Variants in CNBD1 observed in about 807,000 individuals in gnomAD.
CNBD1 encodes cyclic nucleotide binding domain containing 1, also known as cyclic nucleotide-binding domain-containing protein 1.
Under a neutral mutation model 54.4 loss-of-function variants are expected in CNBD1, and 71 were observed. The ratio of observed to expected loss-of-function variants is 1.30; its 90% confidence interval spans 1.08 to 1.59. CNBD1 has a LOEUF of 1.59. Ranked by LOEUF, CNBD1 falls within the 40% of genes most tolerant of loss-of-function variation. The pLI is 0.00. For missense variants in CNBD1, 659 were observed against 518.0 expected, an observed-to-expected ratio of 1.27 and a Z score of -2.64; for synonymous variants, 182 against 170.7, an observed-to-expected ratio of 1.07 and a Z score of -0.51.
chr8:87,034,598 T>G lies in CNBD1; in HGVS notation c.431+94844T>G, dbSNP rs776937692. 7.9e-5 allele frequency among the ~76,000 whole-genome samples: 12 copies of G among 152,334 alleles called. No homozygotes were observed. The Middle Eastern group carries it at 0.01, about 130-fold the overall frequency. ...ATCTGTTCATGTGTGTAAGTTTTGG[T>G]AAATTTTAACATTTTATAATTTGTG... On this transcript the variant is annotated intron_variant, in intron 4 of 10. Coordinates refer to ENST00000518476, the MANE Select transcript of CNBD1 (RefSeq NM_173538.3).
chr8:87,278,452 T>C (rs1808527738), intron 6 of CNBD1, among the ~76,000 whole-genome samples: 1 of 151,570 alleles, frequency 6.6e-6, no homozygotes, highest in African/African-American at 2.4e-5. Flanking sequence ...CACTCCAAGG[T>C]AAATTTTAAT....
intron 8 of CNBD1, among the ~76,000 whole-genome samples, chr8:87,325,362 G>A (rs1443521274): frequency 3.3e-5 from 3 of 91,114 alleles, no homozygotes; most frequent in Non-Finnish European, 6.4e-5. Context: ...TATCCTTGTT[G>A]ACTTTCTGTC....
chr8:87,144,820 C>CAAA (rs58385807), intron 4 of CNBD1, among the ~76,000 whole-genome samples: 9 of 104,298 alleles, frequency 8.6e-5, no homozygotes, highest in African/African-American at 2.4e-4. Flanking sequence ...AACTATGCCT[C>CAAA]AAAAAAAAAA....
At chr8:87,168,094 G>C (rs1813004030) in intron 4 of CNBD1, among the ~76,000 whole-genome samples, 1 of 151,886 alleles carries the variant, frequency 6.6e-6, no homozygotes, top group Non-Finnish European at 1.5e-5. Flanking sequence ...TCCCATCATT[G>C]ACCAAAATGT....
chr8:86,987,731 A>G (rs1808639721), intron 4 of CNBD1, among the ~76,000 whole-genome samples: 1 of 152,178 alleles, frequency 6.6e-6, no homozygotes, highest in Non-Finnish European at 1.5e-5. Context: ...GATTTTATCC[A>G]AAGCTTTTCT....
chr8:87,042,512 G>T (rs1810094153), intron 4 of CNBD1, among the ~76,000 whole-genome samples: 1 of 152,196 alleles, frequency 6.6e-6, no homozygotes, highest in Non-Finnish European at 1.5e-5. Flanking sequence ...TTGGAAAGAT[G>T]AGGTAGTTGG....
At chr8:87,216,679 C>G (rs1301500475) in intron 5 of CNBD1, among the ~76,000 whole-genome samples, 1 of 152,146 alleles carries the variant, frequency 6.6e-6, no homozygotes, top group African/African-American at 2.4e-5. Flanking sequence ...CTTACTAGTT[C>G]TACACCAGTG....
intron 4 of CNBD1, among the ~76,000 whole-genome samples, chr8:86,999,521 A>G (rs1808949317): frequency 1.3e-5 from 2 of 151,894 alleles, no homozygotes; most frequent in South Asian, 4.1e-4. Context: ...TCCTGAAAGA[A>G]CACCCACTCT....
intron 4 of CNBD1, among the ~76,000 whole-genome samples, chr8:87,042,553 G>T (rs554691615): frequency 6.6e-6 from 1 of 152,176 alleles, no homozygotes; most frequent in South Asian, 2.1e-4. Context: ...TGATGGGGAA[G>T]AAATATTGAC....
At chr8:87,011,915 A>C (rs555125678) in intron 4 of CNBD1, among the ~76,000 whole-genome samples, 37 of 152,308 alleles carry the variant, frequency 2.4e-4, no homozygotes, top group African/African-American at 8.4e-4. Flanking sequence ...GGGGGAAAAC[A>C]GATTAATTGG....
At chr8:87,262,241 G>A (rs1175960327) in intron 6 of CNBD1, among the ~76,000 whole-genome samples, 1 of 152,174 alleles carries the variant, frequency 6.6e-6, no homozygotes, top group Non-Finnish European at 1.5e-5. Context: ...ATAAAAACTA[G>A]AAGCAGAATG....
At chr8:87,124,069 C>A (rs1348740073) in intron 4 of CNBD1, among the ~76,000 whole-genome samples, 2 of 151,432 alleles carry the variant, frequency 1.3e-5, no homozygotes, top group Non-Finnish European at 3.0e-5. Flanking sequence ...AGATCTGATG[C>A]CAATTATTGA....
At chr8:87,018,802 C>G (rs1246594090) in intron 4 of CNBD1, among the ~76,000 whole-genome samples, 2 of 152,018 alleles carry the variant, frequency 1.3e-5, no homozygotes, top group African/African-American at 4.8e-5. Context: ...AAGAGGTAGG[C>G]ACGTAAGATT....
intron 3 of CNBD1, among the ~76,000 whole-genome samples, chr8:86,931,906 T>A (rs1222829542): frequency 1.3e-5 from 2 of 152,204 alleles, no homozygotes; most frequent in African/African-American, 4.8e-5. Context: ...CATCATTGAA[T>A]AATTCATGGG....
chr8:87,305,905 C>T (rs950359872), intron 8 of CNBD1, among the ~76,000 whole-genome samples: 5 of 151,970 alleles, frequency 3.3e-5, no homozygotes, highest in East Asian at 1.9e-4. Context: ...ATAAATAGCT[C>T]GGACCTAATT....
At chr8:87,427,145 G>T (rs1808064472) in intron 2 of CNBD1, among the ~76,000 whole-genome samples, 2 of 151,892 alleles carry the variant, frequency 1.3e-5, no homozygotes, top group Non-Finnish European at 2.9e-5. Flanking sequence ...CTTCATTCCT[G>T]ATATATGTGC....
chr8:87,310,759 C>G (rs1302455753), intron 8 of CNBD1, among the ~76,000 whole-genome samples: 1 of 152,124 alleles, frequency 6.6e-6, no homozygotes, highest in Non-Finnish European at 1.5e-5. Flanking sequence ...GTAACCAAAA[C>G]AGCATGGAAC....
intron 4 of CNBD1, among the ~76,000 whole-genome samples, chr8:87,029,626 C>G (rs1809737101): frequency 6.6e-6 from 1 of 151,760 alleles, no homozygotes. Flanking sequence ...GCAGATAAAG[C>G]AGTAAAAAGT....
intron 4 of CNBD1, among the ~76,000 whole-genome samples, chr8:87,044,936 G>A (rs1810150141): frequency 6.6e-6 from 1 of 152,146 alleles, no homozygotes; most frequent in Admixed American, 6.5e-5. Flanking sequence ...TTTCAGAGCT[G>A]CTTCTCCAAC....
Sources: gnomAD v4.1 joint callset for allele counts (sites outside exome capture counted in the v4.1 genomes callset) on GRCh38, gnomAD v4.1.1 for gene constraint, MANE v1.5 for transcripts, NCBI Gene and HGNC (gene_info 2026-07-23, HGNC 2026-07-21) for gene names.